The following CBFA2T3 variants were observed in gnomAD, a reference collection of about 807,000 sequenced individuals.
CBFA2T3 encodes the protein transcriptional corepressor CBFA2T3.
Under a neutral mutation model 58.6 loss-of-function variants are expected in CBFA2T3, and 31 were observed. The observed-to-expected ratio is 0.53, with a 90% CI of 0.40 to 0.71. The LOEUF (loss-of-function observed/expected upper bound fraction) is 0.71. Ranked by LOEUF, CBFA2T3 falls within the 30% of genes least tolerant of loss-of-function variation. The probability of loss-of-function intolerance (pLI) is 0.00; values close to 1 mark genes in which losing one functional copy is unlikely to be tolerated. For missense variants in CBFA2T3, 1,076 were observed against 963.1 expected (o/e 1.12, Z -1.55); for synonymous variants, 531 against 421.9 (o/e 1.26, Z -3.17).
chr16:88,882,355 T>A (rs1044292517), intron 8 of CBFA2T3, among the ~76,000 whole-genome samples: 1 of 150,016 alleles, frequency 6.7e-6, no homozygotes, highest in Non-Finnish European at 1.5e-5. Flanking sequence ...TGCGTGGGTG[T>A]GGCTGTGTAC....
chr16:88,957,084 AC>A lies in CBFA2T3; in HGVS notation c.151+19572del, dbSNP rs1242438961. 3.3e-5 allele frequency among the ~76,000 whole-genome samples: 5 copies of A among 152,304 alleles called. No individual in the cohort carries two copies. In the East Asian group the frequency reaches 9.7e-4, roughly 29 times the overall value. ...CGTCTTTGTCACGCTCTCTCCCGGAACAAAACCGCCCTTGGGCTTCAGGCCC... is the reference window on the plus strand; with the variant it reads ...CGTCTTTGTCACGCTCTCTCCCGGAAAAAACCGCCCTTGGGCTTCAGGCCC... On this transcript the variant is annotated intron_variant, in intron 1 of 11. Coordinates refer to ENST00000268679, the MANE Select transcript of CBFA2T3 (RefSeq NM_005187.6).
chr16:88,900,164 C>T (rs371773408), intron 2 of CBFA2T3, among the ~76,000 whole-genome samples: 3 of 152,244 alleles, frequency 2.0e-5, no homozygotes, highest in East Asian at 1.9e-4. Context: ...GGGCCGGCCC[C>T]GCGGGTGCAG....
chr16:88,905,405 C>T (rs1388153926), intron 1 of CBFA2T3, among the ~76,000 whole-genome samples: 2 of 152,054 alleles, frequency 1.3e-5, no homozygotes, highest in Non-Finnish European at 2.9e-5. Context: ...GCCCCGCCCC[C>T]GTGAAGCTCT....
At chr16:88,883,926 T>G (rs1013637617) in intron 7 of CBFA2T3, 1 of 152,272 alleles carries the variant, frequency 6.6e-6, no homozygotes, top group Non-Finnish European at 1.5e-5. Flanking sequence ...GTCTCCCTCT[T>G]GGGGCCCTTT....
chr16:88,915,823 G>C (rs1970699618), intron 1 of CBFA2T3, among the ~76,000 whole-genome samples: 1 of 151,876 alleles, frequency 6.6e-6, no homozygotes, highest in Non-Finnish European at 1.5e-5. Context: ...GCCCTGGTGG[G>C]CTGTGTGGCT....
intron 1 of CBFA2T3, among the ~76,000 whole-genome samples, chr16:88,928,020 C>A (rs1474514561): frequency 6.6e-6 from 1 of 152,206 alleles, no homozygotes; most frequent in African/African-American, 2.4e-5. Flanking sequence ...TCCCGGCACC[C>A]ACCGCTGCTG....
chr16:88,971,063 C>T (rs1005430073), intron 1 of CBFA2T3, among the ~76,000 whole-genome samples: 1 of 152,074 alleles, frequency 6.6e-6, no homozygotes, highest in Non-Finnish European at 1.5e-5. Context: ...AGGGCTGGGC[C>T]GTGGGTGTGC....
In CBFA2T3 at chr16:88,881,326, CG is replaced by C; in HGVS notation, c.1366del (p.Arg456AlafsTer12). The part of the protein sequence containing the change: ...KGPAPAAARP[R>X]SSSAGPEGPQ... ...CCCTTCGGGACCGGCGGAGCTGCTG[CG>C]GGGCCGGGCCGCGGCGGGAGCGGGG... On this transcript the variant is annotated frameshift_variant, in exon 9 of 12. Coordinates refer to ENST00000268679, the MANE Select transcript of CBFA2T3 (RefSeq NM_005187.6). LOFTEE classifies it high-confidence loss of function. 1.9e-6 allele frequency: 3 copies of C among 1,586,144 alleles called. No individual in the cohort carries two copies. The highest frequency in any genetic ancestry group is 1.7e-6 in the Non-Finnish European group (2 of 1,167,280).
chr16:88,889,548 G>A (rs1410255395), intron 5 of CBFA2T3, among the ~76,000 whole-genome samples: 1 of 151,920 alleles, frequency 6.6e-6, no homozygotes, highest in Non-Finnish European at 1.5e-5. Context: ...CTAGGTTTGA[G>A]CCCTGGCGCC....
At chr16:88,968,727 G>T (rs934699262) in intron 1 of CBFA2T3, among the ~76,000 whole-genome samples, 1 of 152,178 alleles carries the variant, frequency 6.6e-6, no homozygotes, top group Non-Finnish European at 1.5e-5. Flanking sequence ...GGGAATAAGC[G>T]GCAAGAAGCT....
chr16:88,906,948 G>A (rs78201826), intron 1 of CBFA2T3, among the ~76,000 whole-genome samples: 12,073 of 152,298 alleles, frequency 0.079, 1,029 homozygotes, highest in African/African-American at 0.21. Context: ...AGGGACGCTG[G>A]CTCGTACTGG....
intron 2 of CBFA2T3, among the ~76,000 whole-genome samples, chr16:88,900,813 A>C (rs776845479): frequency 2.2e-4 from 33 of 152,338 alleles, no homozygotes; most frequent in South Asian, 1.7e-3. Flanking sequence ...CTGTGATGAG[A>C]ACTGGCTGTT....
At chr16:88,889,910 C>T (rs1160107599) in intron 5 of CBFA2T3, among the ~76,000 whole-genome samples, 1 of 137,460 alleles carries the variant, frequency 7.3e-6, no homozygotes, top group African/African-American at 2.8e-5. Context: ...TCAGGGACGA[C>T]GCCCCGCGAT....
At chr16:88,907,814 G>C (rs78887528) in intron 1 of CBFA2T3, among the ~76,000 whole-genome samples, 5,479 of 152,324 alleles carry the variant, frequency 0.036, 327 homozygotes, top group African/African-American at 0.13. Flanking sequence ...GGCTTTGCCT[G>C]TCCTTCCCAC....
chr16:88,875,314 G>A lies in CBFA2T3; in HGVS notation c.*1662C>T. The A allele has an allele frequency of 4.3e-6, 1 of 233,604 alleles. No homozygotes were observed. Among genetic ancestry groups the A allele is most frequent in the Non-Finnish European group, 8.5e-6 (1 of 118,216 alleles). The allele number at this position is 233,604 out of a possible 1,614,324, so 14.5% of individuals were successfully genotyped here. A position where few individuals can be genotyped will look rare whatever the true frequency, so the allele number is the denominator to read the frequency against. On this transcript the variant is annotated 3_prime_UTR_variant, in exon 12 of 12. Coordinates refer to ENST00000268679, the MANE Select transcript of CBFA2T3 (RefSeq NM_005187.6). ...TTTATTTCCTTCTTGAAATCGCTGA[G>A]GCAGTTGAGAGGAGTGGAGGGAGGG...
intron 1 of CBFA2T3, among the ~76,000 whole-genome samples, chr16:88,965,203 C>A (rs1345996675): frequency 6.8e-6 from 1 of 146,366 alleles, no homozygotes; most frequent in African/African-American, 2.5e-5. Flanking sequence ...TAATAACATG[C>A]TTATTTGAAT....
chr16:88,886,037 T>C lies in CBFA2T3; in HGVS notation c.817A>G (p.Ser273Gly). 1 of 1,576,054 alleles carries C rather than the reference T, an allele frequency of 6.3e-7. No homozygotes were observed. The highest frequency in any genetic ancestry group is 8.6e-7 in the Non-Finnish European group (1 of 1,164,236). Residue 273 changes from serine to glycine, a missense_variant, in exon 6 of 12, where the codon AGC (serine) becomes GGC (glycine). By Grantham distance (56) the Ser-to-Gly change is moderately conservative. Transcript: ENST00000268679. ...GAGGAGTCGATGGGGGAGGAGGCGC[T>C]GGCGTCCAGCAGGAGCTGCTCATGC... ...AQHEQLLLDA[S>G]ASSPIDSSEL...
At position 88,881,349 on chromosome 16, in the gene CBFA2T3, G is replaced by C. The variant is rs374570965; in HGVS notation, c.1344C>G (p.Pro448=). Residue 448 remains proline, a synonymous_variant, in exon 9 of 12, where the codon CCC becomes CCG. Coordinates refer to ENST00000268679, the MANE Select transcript of CBFA2T3 (RefSeq NM_005187.6). The part of the protein sequence containing the change: ...YSDAEDTKKG[P]APAAARPRSS... ...TGCGGGGCCGGGCCGCGGCGGGAGC[G>C]GGGCCCTTCTTTGTGTCCTCGGCGT... The C allele has an allele frequency of 6.9e-6, 11 of 1,583,938 alleles. No individual in the cohort carries two copies. The highest frequency in any genetic ancestry group is 1.1e-5 in the South Asian group (1 of 88,486).
At chr16:88,936,374 G>A (rs1382386034) in intron 1 of CBFA2T3, among the ~76,000 whole-genome samples, 3 of 151,920 alleles carry the variant, frequency 2.0e-5, no homozygotes, top group African/African-American at 4.8e-5. Flanking sequence ...CTCCTGCCAC[G>A]TCCACCATGA....
Sources: allele counts gnomAD v4.1 joint callset (sites outside exome capture counted in the v4.1 genomes callset), GRCh38; gene constraint gnomAD v4.1.1; transcripts MANE v1.5; gene names NCBI Gene and HGNC (gene_info 2026-07-23, HGNC 2026-07-21).